Variants in RSU1 observed in about 807,000 individuals in gnomAD.
RSU1 encodes the protein Ras suppressor protein 1, also known as rsu-1.
RSU1 carries 26 observed loss-of-function variants against 31.1 expected under a neutral mutation model. That is an observed-to-expected ratio of 0.84 (90% CI 0.61 to 1.16). The LOEUF is 1.16. RSU1 is among the 50% of genes most tolerant of loss of function. The pLI is 0.00. For synonymous variants in RSU1, 164 were observed against 136.3 expected (o/e 1.20, Z -1.41); for missense variants, 320 against 339.1 (o/e 0.94, Z 0.44).
rs989322311 is a variant in RSU1 at position 16,618,009 on chromosome 10, T to C, written c.732-24513A>G. Among the ~76,000 whole-genome samples, 7 of 152,194 alleles carry C rather than the reference T, an allele frequency of 4.6e-5. No homozygotes were observed. The South Asian group carries it at 8.3e-4, about 18-fold the overall frequency. On this transcript the variant is annotated intron_variant, in intron 8 of 8. Transcript: ENST00000345264. ...GGATCTAATTAAACTAAAGAGCTTC[T>C]GCACAGCAAAAGAAACTACCATCAG...
intron 7 of RSU1, among the ~76,000 whole-genome samples, chr10:16,731,397 T>G (rs889154001): frequency 6.8e-6 from 1 of 147,240 alleles, no homozygotes; most frequent in Admixed American, 6.9e-5. Context: ...ACCACTGCAC[T>G]CGAGCCTGGG....
chr10:16,701,328 G>A lies in RSU1; in HGVS notation c.599-6173C>T, dbSNP rs184450398. ...CTCTTCTGTCTGCGTAATAGATGAC[G>A]GTCTAAAAACCTAAGTGGAATGAGA... On this transcript the variant is annotated intron_variant, in intron 7 of 8. Transcript: ENST00000345264. Among the ~76,000 whole-genome samples, 26 of 152,224 alleles carry A rather than the reference G, an allele frequency of 1.7e-4. 1 individual carries two copies. The East Asian group carries it at 2.5e-3, about 15-fold the overall frequency.
chr10:16,808,685 T>C (rs1231419891), intron 2 of RSU1, among the ~76,000 whole-genome samples: 2 of 152,090 alleles, frequency 1.3e-5, no homozygotes, highest in Admixed American at 1.3e-4. Flanking sequence ...TTTGAGAACC[T>C]CTAATCTAGA....
intron 7 of RSU1, among the ~76,000 whole-genome samples, chr10:16,708,972 T>C (rs1365258353): frequency 6.6e-6 from 1 of 152,108 alleles, no homozygotes; most frequent in Non-Finnish European, 1.5e-5. Context: ...TTATTAGTTC[T>C]ACCAGTTCTT....
chr10:16,807,747 G>C (rs376669251), intron 2 of RSU1, among the ~76,000 whole-genome samples: 1 of 152,164 alleles, frequency 6.6e-6, no homozygotes, highest in East Asian at 1.9e-4. Flanking sequence ...TCTGAGACGA[G>C]GTACGGTGGC....
At chr10:16,687,728 T>C (rs919209313) in intron 8 of RSU1, among the ~76,000 whole-genome samples, 1 of 152,050 alleles carries the variant, frequency 6.6e-6, no homozygotes, top group Non-Finnish European at 1.5e-5. Context: ...ATTATTATTA[T>C]TATTATTTTG....
At position 16,595,470 on chromosome 10, in the gene RSU1, C is replaced by T. The variant is rs528758078; in HGVS notation, c.732-1974G>A. Among the ~76,000 whole-genome samples, 10 of 152,302 alleles carry T rather than the reference C, an allele frequency of 6.6e-5. No individual in the cohort carries two copies. The South Asian group carries it at 1.2e-3, about 19-fold the overall frequency. On this transcript the variant is annotated intron_variant, in intron 8 of 8. Coordinates refer to ENST00000345264, the MANE Select transcript of RSU1 (RefSeq NM_012425.4). ...GCTGGCCAGAGACAGACCTACGAGC[C>T]GGAGCGTGCACATCCAGCCAGGTGC...
intron 8 of RSU1, among the ~76,000 whole-genome samples, chr10:16,673,324 T>G (rs369300151): frequency 6.6e-6 from 1 of 152,242 alleles, no homozygotes; most frequent in African/African-American, 2.4e-5. Flanking sequence ...AGCAGGACAT[T>G]TGCTCCAACA....
chr10:16,705,774 G>A (rs1835886416), intron 7 of RSU1, among the ~76,000 whole-genome samples: 2 of 152,172 alleles, frequency 1.3e-5, no homozygotes, highest in Non-Finnish European at 2.9e-5. Context: ...ACAGGAGTGA[G>A]CCACTGCATC....
Position 16,764,525 on chromosome 10 carries a change from A to T in RSU1, c.161-15T>A. On this transcript the variant is annotated splice_polypyrimidine_tract_variant and intron_variant, in intron 3 of 8. Coordinates refer to ENST00000345264, the MANE Select transcript of RSU1 (RefSeq NM_012425.4). ...CGGTGGCACCACTATGGAAACAAAA[A>T]TGCTGAGTGTGAATCTGGGAATGGA... The T allele has an allele frequency of 6.2e-7, 1 of 1,610,024 alleles. No homozygotes were observed. Among genetic ancestry groups the T allele is most frequent in the African/African-American group, 1.3e-5 (1 of 74,918 alleles).
chr10:16,625,963 T>C (rs895668091), intron 8 of RSU1, among the ~76,000 whole-genome samples: 2 of 152,128 alleles, frequency 1.3e-5, no homozygotes, highest in African/African-American at 2.4e-5. Flanking sequence ...TTCGGTAACA[T>C]ACACAAAACA....
intron 4 of RSU1, among the ~76,000 whole-genome samples, chr10:16,762,995 CAAA>C (rs11341912): frequency 7.6e-6 from 1 of 131,266 alleles, no homozygotes. Flanking sequence ...GACTCTGTCT[CAAA>C]AAAAAAAAAA....
At chr10:16,601,629 G>A (rs149023826) in intron 8 of RSU1, among the ~76,000 whole-genome samples, 7 of 152,306 alleles carry the variant, frequency 4.6e-5, no homozygotes, top group African/African-American at 1.7e-4. Flanking sequence ...AACTCTTCCT[G>A]GTGCATGGAT....
intron 8 of RSU1, among the ~76,000 whole-genome samples, chr10:16,690,434 T>C (rs997180347): frequency 6.6e-6 from 1 of 152,024 alleles, no homozygotes; most frequent in Non-Finnish European, 1.5e-5. Flanking sequence ...TGAGACATGA[T>C]GAAGGGGCCG....
At position 16,695,170 on chromosome 10, in the gene RSU1, A is replaced by AGGGGGG. The variant is rs770924888; in HGVS notation, c.599-16_599-15insCCCCCC. 3 of 1,354,618 alleles carry AGGGGGG rather than the reference A, an allele frequency of 2.2e-6. No individual in the cohort carries two copies. The highest frequency in any genetic ancestry group is 3.1e-6 in the Non-Finnish European group (3 of 982,076). 83.9% of individuals were successfully genotyped at this position (1,354,618 alleles called of 1,614,324 possible). ...ATCCAAGTTTCCTGGGGGGGGGGAA[A>AGGGGGG]AAAAAAGTGAAGGTCACTTCATCCA... On this transcript the variant is annotated splice_polypyrimidine_tract_variant and intron_variant, in intron 7 of 8. Transcript: ENST00000345264.
At chr10:16,743,288 T>C (rs1836787130) in intron 7 of RSU1, among the ~76,000 whole-genome samples, 2 of 152,184 alleles carry the variant, frequency 1.3e-5, no homozygotes, top group Non-Finnish European at 2.9e-5. Flanking sequence ...GGAATGCTTA[T>C]TTTTGAATTA....
chr10:16,720,923 G>A (rs982771332), intron 7 of RSU1, among the ~76,000 whole-genome samples: 1 of 152,054 alleles, frequency 6.6e-6, no homozygotes, highest in Non-Finnish European at 1.5e-5. Flanking sequence ...AGAGTTTGAG[G>A]CTGCAGTGAG....
At chr10:16,634,954 T>G (rs1001938404) in intron 8 of RSU1, among the ~76,000 whole-genome samples, 1 of 152,228 alleles carries the variant, frequency 6.6e-6, no homozygotes, top group Non-Finnish European at 1.5e-5. Flanking sequence ...ATTTGCCTGG[T>G]TACTTTTACA....
At chr10:16,783,772 T>C (rs1344475265) in intron 2 of RSU1, among the ~76,000 whole-genome samples, 1 of 152,180 alleles carries the variant, frequency 6.6e-6, no homozygotes, top group Non-Finnish European at 1.5e-5. Flanking sequence ...ATTAAGCTGC[T>C]GGCCTGATGC....
Sources: gnomAD v4.1 joint callset for allele counts (sites outside exome capture counted in the v4.1 genomes callset) on GRCh38, gnomAD v4.1.1 for gene constraint, MANE v1.5 for transcripts, NCBI Gene and HGNC (gene_info 2026-07-23, HGNC 2026-07-21) for gene names.